Variants in CSMD3 observed in about 807,000 individuals in gnomAD.
CSMD3 encodes the protein CUB and Sushi multiple domains 3, also known as CUB and sushi domain-containing protein 3.
CSMD3 carries 177 observed loss-of-function variants against 435.2 expected under a neutral mutation model. That is an observed-to-expected ratio of 0.41 (90% CI 0.36 to 0.46). The LOEUF is 0.46. Among genes scored for constraint, CSMD3 ranks in the 20% least tolerant of loss-of-function variants. The pLI, the probability that CSMD3 is intolerant of heterozygous loss-of-function variation, is 0.34. For missense variants in CSMD3, 4,265 were observed against 4,504.6 expected (o/e 0.95, Z 1.52); for synonymous variants, 1,656 against 1,520.5 (o/e 1.09, Z -2.07).
chr8:113,360,439 C>T (rs1021915029), intron 1 of CSMD3, among the ~76,000 whole-genome samples: 1 of 152,102 alleles, frequency 6.6e-6, no homozygotes, highest in Non-Finnish European at 1.5e-5. Context: ...TTGTTTATCT[C>T]ATATGCTAAA....
chr8:113,120,828 G>C (rs548992221), intron 4 of CSMD3, among the ~76,000 whole-genome samples: 1 of 152,056 alleles, frequency 6.6e-6, no homozygotes, highest in Admixed American at 6.6e-5. Flanking sequence ...AATGAGTTCT[G>C]GATATTCAGC....
rs565285257 is a variant in CSMD3, at chr8:113,196,055, C to T, written c.515-22139G>A. Among the ~76,000 whole-genome samples, 22 of 150,750 alleles carry T rather than the reference C, an allele frequency of 1.5e-4. No homozygotes were observed. The East Asian group carries it at 2.0e-3, about 13-fold the overall frequency. Reference sequence around the variant, plus strand: ...ATGTCATTCTCTAATAAATATTGGGCGGAAACTTCAGTCCCTTTCTCACTC... The same window carrying T: ...ATGTCATTCTCTAATAAATATTGGGTGGAAACTTCAGTCCCTTTCTCACTC... On this transcript the variant is annotated intron_variant, in intron 3 of 70. Transcript: ENST00000297405.
At chr8:112,539,735 A>G (rs560574497) in intron 27 of CSMD3, among the ~76,000 whole-genome samples, 1 of 152,244 alleles carries the variant, frequency 6.6e-6, no homozygotes, top group South Asian at 2.1e-4. Flanking sequence ...ATCTCTCACC[A>G]TACACAAAAC....
At chr8:113,194,364 CAACA>C (rs1340471131) in intron 3 of CSMD3, among the ~76,000 whole-genome samples, 7 of 151,094 alleles carry the variant, frequency 4.6e-5, no homozygotes, top group Non-Finnish European at 8.9e-5. Context: ...AGAGTGTACT[CAACA>C]AACAAATAAG....
intron 45 of CSMD3, among the ~76,000 whole-genome samples, chr8:112,325,642 G>A (rs941609364): frequency 6.6e-6 from 1 of 151,856 alleles, no homozygotes; most frequent in Non-Finnish European, 1.5e-5. Context: ...AATGGATGCC[G>A]AATTAGTGTA....
chr8:113,355,080 A>C (rs962309954), intron 1 of CSMD3, among the ~76,000 whole-genome samples: 1 of 152,228 alleles, frequency 6.6e-6, no homozygotes, highest in Admixed American at 6.5e-5. Context: ...ATATGAAATT[A>C]GGTTAAAAAC....
chr8:112,231,678 C>T (rs2129898303), intron 68 of CSMD3, 46 bp from the exon 69 acceptor site: 1 of 1,066,134 alleles, frequency 9.4e-7, no homozygotes, highest in Non-Finnish European at 1.5e-6. Context: ...CTGGCCATAG[C>T]TATATTTTCC....
chr8:113,046,248 C>T lies in CSMD3; in HGVS notation c.918-27069G>A, dbSNP rs573015991. ...AGGTGTGTGAGGGAAAGGCCCCTAC[C>T]CCACAGGGAACAACAGCCACGGGGA... On this transcript the variant is annotated intron_variant, in intron 5 of 70. Transcript: ENST00000297405. Among the ~76,000 whole-genome samples the T allele has an allele frequency of 1.6e-3, 237 of 149,156 alleles. 4 individuals carry two copies. The highest frequency in any genetic ancestry group is 5.6e-3 in the African/African-American group (232 of 41,296).
intron 11 of CSMD3, among the ~76,000 whole-genome samples, chr8:112,846,436 C>T (rs2080321909): frequency 6.7e-6 from 1 of 149,514 alleles, no homozygotes. Flanking sequence ...ATAGGTGTTG[C>T]TCTGTCACCC....
chr8:112,667,783 A>T (rs771815639), intron 16 of CSMD3, among the ~76,000 whole-genome samples: 10 of 152,178 alleles, frequency 6.6e-5, no homozygotes, highest in Admixed American at 1.3e-4. Context: ...AATGTACACT[A>T]GATCAACTTT....
intron 27 of CSMD3, among the ~76,000 whole-genome samples, chr8:112,525,869 G>A (rs1436291205): frequency 8.0e-6 from 1 of 124,646 alleles, no homozygotes; most frequent in South Asian, 2.5e-4. Flanking sequence ...TATAGTTTTT[G>A]TTTTTTATAT....
At chr8:112,620,801 A>G (rs2131513490) in intron 22 of CSMD3, among the ~76,000 whole-genome samples, 1 of 152,160 alleles carries the variant, frequency 6.6e-6, no homozygotes, top group South Asian at 2.1e-4. Context: ...TCACACCTTA[A>G]TTTTGCACCA....
At chr8:113,225,061 T>C (rs1024073618) in intron 3 of CSMD3, among the ~76,000 whole-genome samples, 3 of 151,442 alleles carry the variant, frequency 2.0e-5, no homozygotes, top group African/African-American at 7.3e-5. Context: ...AAGGAGATTA[T>C]TTCAGAGGTC....
intron 17 of CSMD3, among the ~76,000 whole-genome samples, chr8:112,665,307 A>C (rs2075494927): frequency 6.6e-6 from 1 of 152,172 alleles, no homozygotes; most frequent in South Asian, 2.1e-4. Flanking sequence ...CTTTGCTCAA[A>C]TAAACATGGT....
intron 4 of CSMD3, among the ~76,000 whole-genome samples, chr8:113,146,480 T>G (rs1160408341): frequency 6.6e-6 from 1 of 151,604 alleles, no homozygotes; most frequent in African/African-American, 2.4e-5. Context: ...TTTAAAAGCC[T>G]AACTGGAATA....
intron 6 of CSMD3, among the ~76,000 whole-genome samples, chr8:112,985,081 T>TA (rs1353580908): frequency 1.3e-5 from 2 of 152,052 alleles, no homozygotes; most frequent in Admixed American, 6.6e-5. Flanking sequence ...AATAGCTATT[T>TA]AAAAAATAAC....
intron 3 of CSMD3, among the ~76,000 whole-genome samples, chr8:113,239,036 A>C (rs2093181888): frequency 6.6e-6 from 1 of 152,168 alleles, no homozygotes; most frequent in African/African-American, 2.4e-5. Flanking sequence ...TTGAACACTC[A>C]AATATACCAA....
At chr8:112,736,382 C>T (rs974672919) in intron 13 of CSMD3, among the ~76,000 whole-genome samples, 6 of 152,050 alleles carry the variant, frequency 3.9e-5, no homozygotes, top group Non-Finnish European at 8.8e-5. Context: ...GACCTCCTGC[C>T]TTGACAGGCT....
chr8:112,599,261 T>C (rs1390482407), intron 22 of CSMD3, among the ~76,000 whole-genome samples: 1 of 150,396 alleles, frequency 6.6e-6, no homozygotes, highest in East Asian at 1.9e-4. Flanking sequence ...AAAAAACACA[T>C]GAAAAAATGC....
Sources: allele counts gnomAD v4.1 joint callset (sites outside exome capture counted in the v4.1 genomes callset), GRCh38; gene constraint gnomAD v4.1.1; transcripts MANE v1.5; gene names NCBI Gene and HGNC (gene_info 2026-07-23, HGNC 2026-07-21).